SLC9C2: variants seen among roughly 807,000 people sequenced by gnomAD.
The protein encoded by SLC9C2 is sodium/hydrogen exchanger 11.
In SLC9C2, 75 loss-of-function variants were observed where a neutral mutation model predicts 140.2. That is an observed-to-expected ratio of 0.53 (90% CI 0.44 to 0.65). The LOEUF (loss-of-function observed/expected upper bound fraction) is 0.65, where lower values mean the gene tolerates loss of function less well. SLC9C2 is among the 30% of genes least tolerant of loss of function. The pLI, the probability that SLC9C2 is intolerant of heterozygous loss-of-function variation, is 0.00. For missense variants in SLC9C2, 1,074 were observed against 1,331.8 expected (o/e 0.81, Z 3.01); for synonymous variants, 375 against 420.9 (o/e 0.89, Z 1.34).
intron 22 of SLC9C2, among the ~76,000 whole-genome samples, chr1:173,520,003 G>A (rs1351477308): frequency 6.6e-6 from 1 of 152,080 alleles, no homozygotes; most frequent in Non-Finnish European, 1.5e-5. Context: ...AGATGGGCGT[G>A]GTGGTGCGTG....
intron 4 of SLC9C2, among the ~76,000 whole-genome samples, chr1:173,589,227 A>AT (rs1207466825): frequency 6.6e-6 from 1 of 152,078 alleles, no homozygotes; most frequent in Non-Finnish European, 1.5e-5. Context: ...TGCCAATTCA[A>AT]TTTTTAATGA....
intron 19 of SLC9C2, among the ~76,000 whole-genome samples, chr1:173,526,046 T>C (rs1661171863): frequency 6.6e-6 from 1 of 152,244 alleles, no homozygotes; most frequent in Non-Finnish European, 1.5e-5. Context: ...TCTTTTCTGA[T>C]AACTTCCATT....
chr1:173,548,828 G>A (rs528360989), intron 11 of SLC9C2, among the ~76,000 whole-genome samples: 56 of 152,164 alleles, frequency 3.7e-4, no homozygotes, highest in African/African-American at 1.3e-3. Context: ...CTACTTCAAC[G>A]CACCTAATCC....
Position 173,507,113 on chromosome 1 carries a change from A to G in SLC9C2, c.3040-72T>C, listed in dbSNP as rs1215637298. ...ATGGTATCAAGAAGAAAACAGATTTACTGATCTATCTGAATTATTTGAGGG... is the reference window on the plus strand; with the variant it reads ...ATGGTATCAAGAAGAAAACAGATTTGCTGATCTATCTGAATTATTTGAGGG... On this transcript the variant is annotated intron_variant, in intron 24 of 27. Transcript: ENST00000367714. 3.4e-6 allele frequency: 4 copies of G among 1,191,638 alleles called. No individual in the cohort carries two copies. In the African/African-American group the frequency reaches 6.2e-5, roughly 18 times the overall value. 73.8% of individuals were successfully genotyped at this position (1,191,638 alleles called of 1,614,324 possible). A position where few individuals can be genotyped will look rare whatever the true frequency, so the allele number is the denominator to read the frequency against.
At chr1:173,541,885 TA>T (rs759649186) in intron 13 of SLC9C2, among the ~76,000 whole-genome samples, 3 of 152,164 alleles carry the variant, frequency 2.0e-5, no homozygotes, top group African/African-American at 7.2e-5. Flanking sequence ...TTTATAGCAC[TA>T]AATGCCCACA....
At chr1:173,502,129 C>A (rs368079224) in intron 27 of SLC9C2, among the ~76,000 whole-genome samples, 1 of 151,814 alleles carries the variant, frequency 6.6e-6, no homozygotes, top group East Asian at 1.9e-4. Context: ...AAAAAGTAGC[C>A]AGGCATGGTG....
At chr1:173,517,271 A>G (rs998315129) in intron 23 of SLC9C2, among the ~76,000 whole-genome samples, 1 of 152,210 alleles carries the variant, frequency 6.6e-6, no homozygotes, top group Admixed American at 6.5e-5. Context: ...CCTAATCCTC[A>G]TAACATCAAA....
chr1:173,533,289 G>T (rs888921543), intron 17 of SLC9C2, among the ~76,000 whole-genome samples: 1 of 151,942 alleles, frequency 6.6e-6, no homozygotes, highest in Non-Finnish European at 1.5e-5. Flanking sequence ...GACAGAGTCT[G>T]GCTCTGTCAC....
At chr1:173,507,669 C>T (rs1181088215) in intron 24 of SLC9C2, among the ~76,000 whole-genome samples, 2 of 152,160 alleles carry the variant, frequency 1.3e-5, no homozygotes, top group African/African-American at 2.4e-5. Context: ...ATTTGAACAA[C>T]TAGTGTCCTT....
At chr1:173,599,566 A>G (rs1666657881) in intron 3 of SLC9C2, among the ~76,000 whole-genome samples, 9 of 151,048 alleles carry the variant, frequency 6.0e-5, no homozygotes. Context: ...TAGTAGAGAA[A>G]GAGTTTCACC....
chr1:173,602,527 C>A (rs971512084), intron 1 of SLC9C2, among the ~76,000 whole-genome samples: 2 of 152,134 alleles, frequency 1.3e-5, no homozygotes, highest in African/African-American at 2.4e-5. Context: ...TTCCTCAGAG[C>A]AATGAAGCCT....
intron 9 of SLC9C2, among the ~76,000 whole-genome samples, chr1:173,566,189 T>C (rs996782892): frequency 6.6e-6 from 1 of 152,154 alleles, no homozygotes; most frequent in Non-Finnish European, 1.5e-5. Context: ...TAATACTGAC[T>C]TCTTAGAACA....
intron 7 of SLC9C2, among the ~76,000 whole-genome samples, chr1:173,580,635 G>C (rs1367119999): frequency 6.6e-6 from 1 of 152,212 alleles, no homozygotes; most frequent in South Asian, 2.1e-4. Flanking sequence ...TTACAGGCGT[G>C]AGCCACTGCA....
At chr1:173,567,675 T>G (rs2102155781) in intron 9 of SLC9C2, among the ~76,000 whole-genome samples, 1 of 152,256 alleles carries the variant, frequency 6.6e-6, no homozygotes, top group Non-Finnish European at 1.5e-5. Context: ...TATTGATAAG[T>G]AAGGACTTAC....
chr1:173,580,452 A>G (rs903502080), intron 7 of SLC9C2, among the ~76,000 whole-genome samples: 1 of 152,108 alleles, frequency 6.6e-6, no homozygotes, highest in African/African-American at 2.4e-5. Context: ...CCCGGGTACA[A>G]GGGATTCTTG....
chr1:173,550,646 C>A (rs1264021456), intron 11 of SLC9C2, among the ~76,000 whole-genome samples: 1 of 151,688 alleles, frequency 6.6e-6, no homozygotes, highest in East Asian at 1.9e-4. Context: ...ACCATGTTGG[C>A]CAGGATGGTC....
intron 9 of SLC9C2, among the ~76,000 whole-genome samples, chr1:173,570,132 C>G (rs923000425): frequency 6.6e-6 from 1 of 152,190 alleles, no homozygotes; most frequent in Non-Finnish European, 1.5e-5. Context: ...CAAAAGCCTA[C>G]TTGGTGTCTA....
intron 4 of SLC9C2, among the ~76,000 whole-genome samples, chr1:173,595,416 G>A (rs1666388663): frequency 1.3e-5 from 2 of 152,236 alleles, no homozygotes; most frequent in South Asian, 4.1e-4. Context: ...CTTATTAAGG[G>A]CTTTCTAGAA....
intron 7 of SLC9C2, among the ~76,000 whole-genome samples, chr1:173,578,017 GT>G (rs1333427694): frequency 6.6e-6 from 1 of 152,166 alleles, no homozygotes; most frequent in Non-Finnish European, 1.5e-5. Flanking sequence ...GACAGTGGAA[GT>G]GATAAGCCCC....
Sources: allele counts gnomAD v4.1 joint callset (sites outside exome capture counted in the v4.1 genomes callset), GRCh38; gene constraint gnomAD v4.1.1; transcripts MANE v1.5; gene names NCBI Gene and HGNC (gene_info 2026-07-23, HGNC 2026-07-21).